The following CSMD1 variants were observed in gnomAD, a reference collection of about 807,000 sequenced individuals.
CSMD1 encodes CUB and Sushi multiple domains 1, also known as CUB and sushi domain-containing protein 1.
Under a neutral mutation model 417.5 loss-of-function variants are expected in CSMD1, and 213 were observed. The ratio of observed to expected loss-of-function variants is 0.51; its 90% CI spans 0.46 to 0.57. The LOEUF is 0.57. CSMD1 is among the 20% of genes least tolerant of loss of function. The pLI is 0.00. For synonymous variants in CSMD1, 2,862 were observed against 1,736.8 expected (o/e 1.65, Z -16.11); for missense variants, 6,923 against 4,529.7 (o/e 1.53, Z -15.17).
At chr8:4,399,887 C>G (rs566152211) in intron 3 of CSMD1, among the ~76,000 whole-genome samples, 255 of 152,252 alleles carry the variant, frequency 1.7e-3, no homozygotes, top group African/African-American at 5.9e-3. Flanking sequence ...TAGTAAATAT[C>G]ATCATTTTAA....
intron 25 of CSMD1, among the ~76,000 whole-genome samples, chr8:3,284,992 A>G (rs76120937): frequency 6.6e-6 from 1 of 152,320 alleles, no homozygotes; most frequent in East Asian, 1.9e-4. Flanking sequence ...GAGTGACTTA[A>G]AAATCTCTAT....
intron 5 of CSMD1, among the ~76,000 whole-genome samples, chr8:3,937,426 G>T (rs1810573766): frequency 6.6e-6 from 1 of 152,104 alleles, no homozygotes; most frequent in Admixed American, 6.6e-5. Context: ...TCAATTCTCA[G>T]CAACTACCAC....
intron 7 of CSMD1, among the ~76,000 whole-genome samples, chr8:3,688,463 G>A (rs922527582): frequency 2.6e-5 from 4 of 152,140 alleles, no homozygotes; most frequent in South Asian, 4.1e-4. Flanking sequence ...CTCATCCTAC[G>A]TGTCTCTGTT....
chr8:4,483,965 T>C (rs959438271), intron 2 of CSMD1, among the ~76,000 whole-genome samples: 3 of 152,170 alleles, frequency 2.0e-5, no homozygotes, highest in African/African-American at 7.2e-5. Flanking sequence ...TTGACAGTCC[T>C]GCGTTTTCGG....
chr8:4,142,382 G>C (rs1803843140), intron 3 of CSMD1, among the ~76,000 whole-genome samples: 1 of 150,982 alleles, frequency 6.6e-6, no homozygotes, highest in South Asian at 2.1e-4. Flanking sequence ...AGAGGCCTCA[G>C]GGAGAGGACA....
At chr8:3,519,503 C>A (rs2117441812) in intron 10 of CSMD1, among the ~76,000 whole-genome samples, 1 of 152,260 alleles carries the variant, frequency 6.6e-6, no homozygotes, top group African/African-American at 2.4e-5. Flanking sequence ...CTCCAGCCAG[C>A]TTGTCTAGTA....
intron 1 of CSMD1, among the ~76,000 whole-genome samples, chr8:4,791,088 G>C (rs1004712956): frequency 1.4e-5 from 2 of 146,998 alleles, no homozygotes; most frequent in African/African-American, 2.4e-5. Context: ...GACGGTGAGA[G>C]AGACGGTGAG....
intron 3 of CSMD1, among the ~76,000 whole-genome samples, chr8:4,158,071 T>C (rs1238288229): frequency 1.4e-5 from 2 of 147,782 alleles, no homozygotes; most frequent in Non-Finnish European, 3.0e-5. Flanking sequence ...TGCTTCCCCA[T>C]TACAATACAA....
At chr8:4,545,538 T>C (rs1043722932) in intron 2 of CSMD1, among the ~76,000 whole-genome samples, 1 of 151,944 alleles carries the variant, frequency 6.6e-6, no homozygotes, top group African/African-American at 2.4e-5. Context: ...AATCTACATA[T>C]ATAAAAATGT....
intron 5 of CSMD1, among the ~76,000 whole-genome samples, chr8:3,819,843 C>A (rs190205849): frequency 1.3e-5 from 2 of 152,168 alleles, no homozygotes; most frequent in African/African-American, 4.8e-5. Context: ...TCGCACCTGG[C>A]CTGAAAGTGA....
intron 3 of CSMD1, among the ~76,000 whole-genome samples, chr8:4,124,099 G>C (rs1219189355): frequency 5.3e-5 from 8 of 152,010 alleles, no homozygotes; most frequent in East Asian, 1.9e-4. Flanking sequence ...AGAAAAAAAA[G>C]AGAAAGAAAA....
intron 3 of CSMD1, among the ~76,000 whole-genome samples, chr8:4,233,043 A>T (rs564319429): frequency 5.3e-5 from 8 of 152,288 alleles, no homozygotes; most frequent in African/African-American, 1.7e-4. Flanking sequence ...AACCACAAGG[A>T]TATGTTGCTC....
intron 3 of CSMD1, among the ~76,000 whole-genome samples, chr8:4,414,091 C>A (rs1361040554): frequency 6.6e-6 from 1 of 152,180 alleles, no homozygotes; most frequent in Non-Finnish European, 1.5e-5. Context: ...TGCTTTAATT[C>A]AGGTGGAGTT....
At chr8:3,417,922 C>T (rs902986373) in intron 12 of CSMD1, among the ~76,000 whole-genome samples, 4 of 152,134 alleles carry the variant, frequency 2.6e-5, no homozygotes, top group African/African-American at 9.7e-5. Flanking sequence ...CAGCACAACC[C>T]AGCACTTGGA....
chr8:4,079,941 G>C (rs1016564712), intron 3 of CSMD1, among the ~76,000 whole-genome samples: 24 of 149,510 alleles, frequency 1.6e-4, no homozygotes, highest in African/African-American at 5.0e-4. Context: ...TCTTCTCATG[G>C]AGTTGTAAAA....
intron 2 of CSMD1, among the ~76,000 whole-genome samples, chr8:4,518,941 T>C (rs895012344): frequency 2.6e-5 from 4 of 152,188 alleles, no homozygotes; most frequent in Non-Finnish European, 4.4e-5. Context: ...ATCAGCCTAA[T>C]AGACACATTC....
intron 7 of CSMD1, among the ~76,000 whole-genome samples, chr8:3,667,178 A>G (rs910214788): frequency 1.3e-5 from 2 of 152,180 alleles, no homozygotes; most frequent in Non-Finnish European, 2.9e-5. Context: ...CATTCTAATG[A>G]TAAGACAAAT....
At chr8:4,286,303 C>T (rs959301716) in intron 3 of CSMD1, among the ~76,000 whole-genome samples, 4 of 151,974 alleles carry the variant, frequency 2.6e-5, no homozygotes, top group Admixed American at 1.3e-4. Context: ...CCTCAGGGGC[C>T]GTTGTTCTTG....
chr8:4,730,952 C>A (rs80058590), intron 1 of CSMD1, among the ~76,000 whole-genome samples: 1 of 151,922 alleles, frequency 6.6e-6, no homozygotes, highest in Non-Finnish European at 1.5e-5. Flanking sequence ...GTGTTCCTGC[C>A]TATTGGGGTG....
Sources: allele counts gnomAD v4.1 joint callset (sites outside exome capture counted in the v4.1 genomes callset), GRCh38; gene constraint gnomAD v4.1.1; transcripts MANE v1.5; gene names NCBI Gene and HGNC (gene_info 2026-07-23, HGNC 2026-07-21).